Variants in RASA3 observed in about 807,000 individuals in gnomAD.
RASA3 encodes ras GTPase-activating protein 3.
A neutral mutation model predicts 110.0 loss-of-function variants in RASA3; 73 were observed. That is an observed-to-expected ratio of 0.66 (90% CI 0.55 to 0.81). The LOEUF (loss-of-function observed/expected upper bound fraction) is 0.81, where lower values mean the gene tolerates loss of function less well. Among genes scored for constraint, RASA3 ranks in the 30% least tolerant of loss-of-function variants. The pLI, the probability that RASA3 is intolerant of heterozygous loss-of-function variation, is 0.00. For missense variants in RASA3, 976 were observed against 1,113.2 expected (o/e 0.88, Z 1.75); for synonymous variants, 500 against 451.4 (o/e 1.11, Z -1.37).
chr13:113,990,967 T>C, intron 22 of RASA3, among the ~76,000 whole-genome samples: 3 of 151,476 alleles, frequency 2.0e-5, no homozygotes, highest in Non-Finnish European at 2.9e-5. Flanking sequence ...GTGGCCAAGC[T>C]CACAGATGGG....
At chr13:114,097,036 C>A (rs545977516) in intron 1 of RASA3, among the ~76,000 whole-genome samples, 3 of 152,242 alleles carry the variant, frequency 2.0e-5, no homozygotes, top group Non-Finnish European at 4.4e-5. Flanking sequence ...ACACCTGTCC[C>A]TGAGTGTTCA....
In RASA3 at chr13:114,030,538, GGCAAGACTCACACAGACA is replaced by G. The variant is rs1412909201; in HGVS notation, c.373-669_373-652del. Among the ~76,000 whole-genome samples the G allele has an allele frequency of 9.8e-3, 1,193 of 121,682 alleles. 43 individuals carry two copies. Among genetic ancestry groups the G allele is most frequent in the East Asian group, 0.097 (461 of 4,776 alleles). The allele number at this position is 121,682 out of a possible 152,430, so 79.8% of individuals were successfully genotyped here. On this transcript the variant is annotated intron_variant, in intron 4 of 23. Transcript: ENST00000334062. Reference sequence around the variant, plus strand: ...CACAGAGAGCAAGACTCACACAGAGGGCAAGACTCACACAGACAGCAAGGCTCACGGGGGCTTCTAGCA... The same window carrying G: ...CACAGAGAGCAAGACTCACACAGAGGGCAAGGCTCACGGGGGCTTCTAGCA...
chr13:113,990,645 C>T (rs906410282), intron 22 of RASA3, among the ~76,000 whole-genome samples: 5 of 152,206 alleles, frequency 3.3e-5, no homozygotes, highest in Admixed American at 6.5e-5. Flanking sequence ...GACAGCACCT[C>T]GCACACTTGC....
intron 2 of RASA3, among the ~76,000 whole-genome samples, chr13:114,060,747 G>C (rs146151161): frequency 0.01 from 1,573 of 152,354 alleles, 13 homozygotes; most frequent in Non-Finnish European, 0.016. Flanking sequence ...GCTCGCCCGC[G>C]GTGGAGCTGC....
At chr13:114,042,889 T>C (rs2139481321) in intron 3 of RASA3, among the ~76,000 whole-genome samples, 1 of 152,290 alleles carries the variant, frequency 6.6e-6, no homozygotes, top group South Asian at 2.1e-4. Context: ...GGTACCACTC[T>C]GCACACCCCA....
chr13:113,984,414 C>T (rs2053003971), intron 22 of RASA3, among the ~76,000 whole-genome samples: 5 of 77,094 alleles, frequency 6.5e-5, no homozygotes, highest in Middle Eastern at 8.6e-3. Flanking sequence ...TCACTCACCC[C>T]TTTGTCCATG....
intron 1 of RASA3, among the ~76,000 whole-genome samples, chr13:114,104,902 C>T (rs113524512): frequency 6.7e-5 from 10 of 148,862 alleles, no homozygotes; most frequent in African/African-American, 2.2e-4. Flanking sequence ...TCCCCACACA[C>T]GTTCGCCCCC....
rs546730794 is a variant in RASA3, at chr13:113,980,090, C to T, written c.2430-668G>A. 8.3e-5 allele frequency among the ~76,000 whole-genome samples: 7 copies of T among 84,244 alleles called. No individual in the cohort carries two copies. The East Asian group carries it at 1.4e-3, about 17-fold the overall frequency. 55.3% of individuals were successfully genotyped at this position (84,244 alleles called of 152,430 possible). On this transcript the variant is annotated intron_variant, in intron 23 of 23. Coordinates refer to ENST00000334062, the MANE Select transcript of RASA3 (RefSeq NM_007368.4). The stretch of plus-strand genomic sequence containing the variant: ...CCTCCCATGTGTGTGCACCACCTCC[C>T]ACGTGTGTGCACCCCTCTCGCATGT...
chr13:114,077,872 AT>A (rs2079718735), intron 1 of RASA3: 1 of 984,278 alleles, frequency 1.0e-6, no homozygotes, highest in Non-Finnish European at 1.2e-6. Context: ...GCTATGATGC[AT>A]TTAATAAAAA....
chr13:114,037,849 C>T (rs947753398), intron 4 of RASA3, among the ~76,000 whole-genome samples: 3 of 152,108 alleles, frequency 2.0e-5, no homozygotes, highest in Admixed American at 2.0e-4. Context: ...CCTGGGGAAG[C>T]CGGGAGAAGG....
rs764545265 is a variant in RASA3 at position 114,011,162 on chromosome 13, G to C, written c.1590+9C>G. ...CCCTAAAAAGAGAAAATGAAGAAGA[G>C]GGACTCACAGATTTGGACTTGGACA... On this transcript the variant is annotated intron_variant, in intron 16 of 23. Coordinates refer to ENST00000334062, the MANE Select transcript of RASA3 (RefSeq NM_007368.4). The surrounding 1 kb of genome is among the most constrained non-coding windows in gnomAD (Gnocchi z 4.8). 5.0e-6 allele frequency: 8 copies of C among 1,599,800 alleles called. No individual in the cohort carries two copies. The highest frequency in any genetic ancestry group is 6.0e-6 in the Non-Finnish European group (7 of 1,168,140).
At chr13:114,017,034 T>TAA (rs1168413763) in intron 12 of RASA3, among the ~76,000 whole-genome samples, 1 of 152,204 alleles carries the variant, frequency 6.6e-6, no homozygotes, top group Non-Finnish European at 1.5e-5. Context: ...ATAGTTTTAA[T>TAA]TTGGGAGAAT....
intron 1 of RASA3, among the ~76,000 whole-genome samples, chr13:114,117,388 GTGTGAGGGGAGCACGTC>G (rs1594474176): frequency 2.7e-5 from 4 of 146,900 alleles, no homozygotes; most frequent in South Asian, 2.1e-4. Flanking sequence ...GGGAGCACGT[GTGTGAGGGGAGCACGTC>G]TGTGAGGGGT....
chr13:114,017,270 G>A lies in RASA3; in HGVS notation c.1173C>T (p.Tyr391=), dbSNP rs1271106638. Residue 391 remains tyrosine (Y), a synonymous_variant, in exon 12 of 24, where the codon TAC becomes TAT. Coordinates refer to ENST00000334062, the MANE Select transcript of RASA3 (RefSeq NM_007368.4). ...DETMKLAGMH[Y]LHVTLKPAIE... ...TGGCGGGCTTCAGGGTGACATGCAG[G>A]TAATGCATCCCCGCCAGCTTCATGG... The A allele has an allele frequency of 6.2e-7, 1 of 1,613,808 alleles. No individual in the cohort carries two copies. The highest frequency in any genetic ancestry group is 8.5e-7 in the Non-Finnish European group (1 of 1,180,028).
At chr13:114,012,018 C>T (rs979087390) in intron 15 of RASA3, among the ~76,000 whole-genome samples, 1 of 152,096 alleles carries the variant, frequency 6.6e-6, no homozygotes, top group South Asian at 2.1e-4. Flanking sequence ...ACACGGTCAC[C>T]CCAGATCCCT....
At chr13:114,009,764 T>C (rs915544052) in intron 16 of RASA3, among the ~76,000 whole-genome samples, 1 of 152,154 alleles carries the variant, frequency 6.6e-6, no homozygotes, top group Admixed American at 6.5e-5. Flanking sequence ...CCCAGGCTCA[T>C]GAAGAGGTAC....
rs758668188 is a variant in RASA3, at chr13:114,094,879, C to G, written c.56-21042G>C. Among the ~76,000 whole-genome samples the G allele has an allele frequency of 4.6e-5, 7 of 152,302 alleles. No individual in the cohort carries two copies. In the East Asian group the frequency reaches 1.2e-3, roughly 25 times the overall value. Reference sequence around the variant, plus strand: ...ACCGAGACCGAGGCGCGGGCTCCCCCGCTCCAGAATCTCCTCTCATATCCC... The same window carrying G: ...ACCGAGACCGAGGCGCGGGCTCCCCGGCTCCAGAATCTCCTCTCATATCCC... On this transcript the variant is annotated intron_variant, in intron 1 of 23. Coordinates refer to ENST00000334062, the MANE Select transcript of RASA3 (RefSeq NM_007368.4).
intron 1 of RASA3, among the ~76,000 whole-genome samples, chr13:114,090,241 AC>A (rs975225341): frequency 2.0e-5 from 3 of 152,200 alleles, no homozygotes; most frequent in Non-Finnish European, 4.4e-5. Context: ...GTGCCTTCAC[AC>A]CTGCCTGCAA....
rs1389953962 is a variant in RASA3 at position 114,051,816 on chromosome 13, G to A, written c.277+236C>T. On this transcript the variant is annotated intron_variant, in intron 3 of 23. Transcript: ENST00000334062. ...CTGTGCTCTTGCCTTGAGGGGCCAT[G>A]GAAGCCTCGACTGGCAGTGCTCACT... 5.9e-5 allele frequency among the ~76,000 whole-genome samples: 9 copies of A among 152,316 alleles called. 1 individual carries two copies. The highest frequency in any genetic ancestry group is 4.1e-4 in the South Asian group (2 of 4,826).
Sources: allele counts gnomAD v4.1 joint callset (sites outside exome capture counted in the v4.1 genomes callset), GRCh38; gene constraint gnomAD v4.1.1; non-coding constraint Gnocchi (gnomAD v3.1); transcripts MANE v1.5; gene names NCBI Gene and HGNC (gene_info 2026-07-23, HGNC 2026-07-21).